The following ATP10D variants were observed in gnomAD, a reference collection of about 807,000 sequenced individuals.
ATP10D encodes phospholipid-transporting ATPase VD.
Under a neutral mutation model 144.8 loss-of-function variants are expected in ATP10D, and 89 were observed. That is an observed-to-expected ratio of 0.61 (90% CI 0.52 to 0.73). The LOEUF (loss-of-function observed/expected upper bound fraction) is 0.73. ATP10D is among the 30% of genes least tolerant of loss of function. The pLI, the probability that ATP10D is intolerant of heterozygous loss-of-function variation, is 0.00. For missense variants in ATP10D, 1,603 were observed against 1,714.8 expected, an observed-to-expected ratio of 0.93 and a Z score of 1.15; for synonymous variants, 571 against 615.1, an observed-to-expected ratio of 0.93 and a Z score of 1.06.
At chr4:47,514,500 T>A (rs564931888) in intron 2 of ATP10D, among the ~76,000 whole-genome samples, 1 of 152,342 alleles carries the variant, frequency 6.6e-6, no homozygotes, top group Admixed American at 6.5e-5. Context: ...TTGAGAAGTT[T>A]CATGGTCAAT....
At position 47,515,605 on chromosome 4, in the gene ATP10D, G is replaced by A. The variant is rs1432934033; in HGVS notation, c.420G>A (p.Leu140=). ...VLTIIAIKDG[L]EDYRKYKIDK... ...CAATTATCGCAATTAAAGATGGCCT[G>A]GAAGATTATCGGAAATACAAAATTG... Residue 140 remains leucine (L), a synonymous_variant, in exon 3 of 23, where the codon CTG becomes CTA. Coordinates refer to ENST00000273859, the MANE Select transcript of ATP10D (RefSeq NM_020453.4). 9 of 1,612,442 alleles carry A rather than the reference G, an allele frequency of 5.6e-6. No individual in the cohort carries two copies. The Admixed American group carries it at 1.5e-4, about 27-fold the overall frequency.
chr4:47,566,504 A>C (rs146117204), intron 15 of ATP10D, among the ~76,000 whole-genome samples: 76 of 152,300 alleles, frequency 5.0e-4, no homozygotes, highest in Non-Finnish European at 9.1e-4. Context: ...TACAACAAAT[A>C]GACATAGAAG....
chr4:47,485,446 T>G lies in ATP10D; in HGVS notation c.-111T>G, dbSNP rs1282535452. 1 of 151,898 alleles carries G rather than the reference T, an allele frequency of 6.6e-6. No individual in the cohort carries two copies. Among genetic ancestry groups the G allele is most frequent in the Admixed American group, 6.6e-5 (1 of 15,258 alleles). The allele number at this position is 151,898 out of a possible 1,614,324, so 9.4% of individuals were successfully genotyped here. A position where few individuals can be genotyped will look rare whatever the true frequency, so the allele number is the denominator to read the frequency against. The stretch of plus-strand genomic sequence containing the variant: ...GCACAACCCGCTTTCACTCTTCGAA[T>G]TTGTGCTTAGCTCTTTTCTTGTACC... On this transcript the variant is annotated 5_prime_UTR_variant, in exon 1 of 23. Coordinates refer to ENST00000273859, the MANE Select transcript of ATP10D (RefSeq NM_020453.4).
intron 5 of ATP10D, among the ~76,000 whole-genome samples, chr4:47,531,150 T>C (rs1190861313): frequency 6.6e-6 from 1 of 152,146 alleles, no homozygotes; most frequent in Non-Finnish European, 1.5e-5. Context: ...TTTTTGTTGT[T>C]GGTAGGTCTT....
intron 1 of ATP10D, among the ~76,000 whole-genome samples, chr4:47,507,615 T>A (rs1225334522): frequency 2.0e-5 from 3 of 152,236 alleles, no homozygotes; most frequent in Admixed American, 6.5e-5. Flanking sequence ...GATGTCTTTA[T>A]GTTCTTTTCT....
rs943232229 is a variant in ATP10D, at chr4:47,587,204, C to A, written c.3939C>A (p.Pro1313=). The change falls in exon 22 of 23, where the codon CCC becomes CCA. Residue 1313 remains proline (P), a splice_region_variant and synonymous_variant. Coordinates refer to ENST00000273859, the MANE Select transcript of ATP10D (RefSeq NM_020453.4). ...TCACGACGTCCATTGCTCTTCTGCC[C>A]AGGTATGGTATTTATTTTATCATTG... ...CILTTSIALL[P]RFVYRVLQGS... is the part of the protein sequence containing the mutation. 3.1e-6 allele frequency: 5 copies of A among 1,609,534 alleles called. No homozygotes were observed. In the South Asian group the frequency reaches 4.4e-5, roughly 14 times the overall value.
chr4:47,591,202 G>A lies in ATP10D; in HGVS notation c.4102G>A (p.Ala1368Thr), dbSNP rs765449130. ...QVTSKYANQS[A>T]GKSGRRPMPG... is the part of the protein sequence containing the mutation. ...GACATCAAAGTATGCTAACCAATCA[G>A]CTGGCAAGTCAGGAAGAAGACCCAT... Residue 1368 changes from alanine (A) to threonine (T), a missense_variant, in exon 23 of 23, where the codon GCT (alanine) becomes ACT (threonine). Ala to Thr is a moderately conservative substitution (Grantham distance 58, BLOSUM62 0). Coordinates refer to ENST00000273859, the MANE Select transcript of ATP10D (RefSeq NM_020453.4). 2 of 1,613,450 alleles carry A rather than the reference G, an allele frequency of 1.2e-6. No individual in the cohort carries two copies. The highest frequency in any genetic ancestry group is 1.7e-6 in the Non-Finnish European group (2 of 1,179,632).
chr4:47,514,887 C>T (rs868055713), intron 2 of ATP10D, among the ~76,000 whole-genome samples: 4 of 135,844 alleles, frequency 2.9e-5, no homozygotes, highest in Non-Finnish European at 1.6e-5. Context: ...AGTATTTTCT[C>T]TTGTGCTTTT....
rs562976728 is a variant in ATP10D at position 47,542,965 on chromosome 4, G to A, written c.1397-3659G>A. On this transcript the variant is annotated intron_variant, in intron 9 of 22. Coordinates refer to ENST00000273859, the MANE Select transcript of ATP10D (RefSeq NM_020453.4). ...CCCTAATGATGGCTAGGAGTTACAC[G>A]ATCATTAAATATAGCCTCCATGTTT... Among the ~76,000 whole-genome samples, 10 of 151,092 alleles carry A rather than the reference G, an allele frequency of 6.6e-5. No individual in the cohort carries two copies. In the East Asian group the frequency reaches 7.7e-4, roughly 12 times the overall value.
At chr4:47,543,789 G>A (rs1441684848) in intron 9 of ATP10D, among the ~76,000 whole-genome samples, 6 of 151,580 alleles carry the variant, frequency 4.0e-5, no homozygotes, top group African/African-American at 9.7e-5. Flanking sequence ...CTACCTGATG[G>A]CATTATTTTG....
At chr4:47,508,756 C>T (rs1385958658) in intron 1 of ATP10D, among the ~76,000 whole-genome samples, 1 of 152,118 alleles carries the variant, frequency 6.6e-6, no homozygotes, top group Non-Finnish European at 1.5e-5. Context: ...ATTTTAAAAT[C>T]TTGCTTTTAT....
At position 47,592,125 on chromosome 4, in the gene ATP10D, A is replaced by G. The variant is rs1721078949; in HGVS notation, c.*744A>G. The G allele has an allele frequency of 1.3e-5, 2 of 152,516 alleles. No individual in the cohort carries two copies. Among genetic ancestry groups the G allele is most frequent in the South Asian group, 4.1e-4 (2 of 4,828 alleles). The allele number at this position is 152,516 out of a possible 1,614,324, so 9.4% of individuals were successfully genotyped here. A position where few individuals can be genotyped will look rare whatever the true frequency, so the allele number is the denominator to read the frequency against. On this transcript the variant is annotated 3_prime_UTR_variant, in exon 23 of 23. Transcript: ENST00000273859. Reference sequence around the variant, plus strand: ...GGTTCCAATCAAGAGAAGACCTTTTATGAGATCTGCCTCTGTATAGATGTT... The same window carrying G: ...GGTTCCAATCAAGAGAAGACCTTTTGTGAGATCTGCCTCTGTATAGATGTT...
At position 47,556,185 on chromosome 4, in the gene ATP10D, C is replaced by A. The variant is rs149859297; in HGVS notation, c.1824+1271C>A. On this transcript the variant is annotated intron_variant, in intron 11 of 22. Transcript: ENST00000273859. Reference sequence around the variant, plus strand: ...TGTGCTAGCCTCCTTGTGTGTAACTCTCTCACCTTTTACTCACTTAAAATT... The same window carrying A: ...TGTGCTAGCCTCCTTGTGTGTAACTATCTCACCTTTTACTCACTTAAAATT... Among the ~76,000 whole-genome samples the A allele has an allele frequency of 1.1e-3, 160 of 152,352 alleles. 3 individuals carry two copies. The highest frequency in any genetic ancestry group is 3.8e-3 in the African/African-American group (158 of 41,584).
chr4:47,506,731 G>C (rs1195001396), intron 1 of ATP10D, among the ~76,000 whole-genome samples: 4 of 152,126 alleles, frequency 2.6e-5, no homozygotes, highest in Non-Finnish European at 5.9e-5. Flanking sequence ...CAAGCACCTG[G>C]TTGTCTATGT....
chr4:47,520,578 T>C (rs1055913554), intron 3 of ATP10D, among the ~76,000 whole-genome samples: 1 of 152,050 alleles, frequency 6.6e-6, no homozygotes, highest in Admixed American at 6.6e-5. Context: ...TTTGTTTTGT[T>C]TTTTGAGACA....
chr4:47,543,297 A>C (rs1718253046), intron 9 of ATP10D, among the ~76,000 whole-genome samples: 1 of 152,198 alleles, frequency 6.6e-6, no homozygotes, highest in Non-Finnish European at 1.5e-5. Context: ...GTCTTGGAAC[A>C]TATCCCCTGT....
In ATP10D at chr4:47,569,127, G is replaced by C. The variant is rs188036119; in HGVS notation, c.3144G>C (p.Gln1048His). The change falls in exon 16 of 23, where the codon CAG becomes CAC. Residue 1048 changes from glutamine to histidine, a missense_variant. Gln to His is a conservative substitution (Grantham distance 24). Coordinates refer to ENST00000273859, the MANE Select transcript of ATP10D (RefSeq NM_020453.4). ...TGAAATTGGTCCGCAGCCATCTCCA[G>C]GTGATGACCCTTGCTATTGGTGAGT... ...EVVKLVRSHLQVMTLAIGDGA... is the reference protein window; with the variant it reads ...EVVKLVRSHLHVMTLAIGDGA... The C allele has an allele frequency of 1.2e-6, 2 of 1,613,396 alleles. No individual in the cohort carries two copies. The highest frequency in any genetic ancestry group is 1.7e-6 in the Non-Finnish European group (2 of 1,179,812).
chr4:47,572,926 C>A lies in ATP10D; in HGVS notation c.3295C>A (p.Leu1099Ile), dbSNP rs765587732. The change falls in exon 18 of 23, where the codon CTT becomes ATT. Residue 1099 changes from leucine (L) to isoleucine (I), a missense_variant. By Grantham distance (5) the Leu-to-Ile change is conservative. Transcript: ENST00000273859. ...VSQFKHLSKL[L>I]LVHGHWCYTR... Reference sequence around the variant, plus strand: ...TCAGTTCAAACATCTCAGCAAGCTCCTTCTTGTCCATGGACACTGGTGTTA... The same window carrying A: ...TCAGTTCAAACATCTCAGCAAGCTCATTCTTGTCCATGGACACTGGTGTTA... 1.2e-5 allele frequency: 20 copies of A among 1,614,088 alleles called. No individual in the cohort carries two copies. The highest frequency in any genetic ancestry group is 1.6e-5 in the Non-Finnish European group (19 of 1,179,992).
At position 47,569,294 on chromosome 4, in the gene ATP10D, G is replaced by A. The variant is rs1053894052; in HGVS notation, c.3163+148G>A. On this transcript the variant is annotated intron_variant, in intron 16 of 22. Coordinates refer to ENST00000273859, the MANE Select transcript of ATP10D (RefSeq NM_020453.4). ...ATTCATGCCTTCCCATCACCTATTT[G>A]AGCACCTTCCTCCATCACCTATTTG... is the stretch of plus-strand genomic sequence containing the variant. 1.6e-5 allele frequency: 15 copies of A among 914,770 alleles called. No individual in the cohort carries two copies. In the African/African-American group the frequency reaches 2.4e-4, roughly 14 times the overall value. 56.7% of individuals were successfully genotyped at this position (914,770 alleles called of 1,614,324 possible).
Sources: allele counts gnomAD v4.1 joint callset (sites outside exome capture counted in the v4.1 genomes callset), GRCh38; gene constraint gnomAD v4.1.1; transcripts MANE v1.5; gene names NCBI Gene and HGNC (gene_info 2026-07-23, HGNC 2026-07-21).